The following ATP2B1 variants were observed in gnomAD, a reference collection of about 807,000 sequenced individuals.
ATP2B1 encodes the protein plasma membrane calcium-transporting ATPase 1.
In ATP2B1, 14 loss-of-function variants were observed where a neutral mutation model predicts 124.2. The ratio of observed to expected loss-of-function variants is 0.11; its 90% CI spans 0.07 to 0.18. ATP2B1 has a LOEUF of 0.18. Among genes scored for constraint, ATP2B1 ranks in the 10% least tolerant of loss-of-function variants. ATP2B1 has a pLI of 1.00. For synonymous variants in ATP2B1, 449 were observed against 492.4 expected, an observed-to-expected ratio of 0.91 and a Z score of 1.17; for missense variants, 763 against 1,466.1, an observed-to-expected ratio of 0.52 and a Z score of 7.83.
At chr12:89,684,464 G>A (rs571711476) in intron 1 of ATP2B1, among the ~76,000 whole-genome samples, 8 of 152,232 alleles carry the variant, frequency 5.3e-5, no homozygotes, top group African/African-American at 1.9e-4. Context: ...CTATCAGTAT[G>A]AACTCATGTT....
At chr12:89,596,035 G>T (rs1395343499) in intron 20 of ATP2B1, among the ~76,000 whole-genome samples, 1 of 152,022 alleles carries the variant, frequency 6.6e-6, no homozygotes, top group African/African-American at 2.4e-5. Flanking sequence ...AAAGATGCCT[G>T]GGTGCAGAGG....
At chr12:89,647,005 CAGG>C (rs1420239648) in intron 2 of ATP2B1, among the ~76,000 whole-genome samples, 2 of 152,082 alleles carry the variant, frequency 1.3e-5, no homozygotes, top group African/African-American at 4.8e-5. Flanking sequence ...AATACAGATG[CAGG>C]AGGAGGCTTC....
At chr12:89,613,617 T>A (rs1043136882) in intron 12 of ATP2B1, among the ~76,000 whole-genome samples, 5 of 152,218 alleles carry the variant, frequency 3.3e-5, no homozygotes, top group Admixed American at 1.3e-4. Flanking sequence ...TGAGATAAAA[T>A]CTATCTTAAA....
chr12:89,617,250 C>T (rs1879119274), intron 11 of ATP2B1, among the ~76,000 whole-genome samples: 1 of 152,180 alleles, frequency 6.6e-6, no homozygotes, highest in South Asian at 2.1e-4. Context: ...GACAGTTCTC[C>T]ATTTATCAAT....
At chr12:89,670,028 C>T (rs1340784207) in intron 1 of ATP2B1, among the ~76,000 whole-genome samples, 1 of 152,094 alleles carries the variant, frequency 6.6e-6, no homozygotes, top group African/African-American at 2.4e-5. Context: ...TTTCTTCTCA[C>T]AATTAAAATC....
intron 1 of ATP2B1, among the ~76,000 whole-genome samples, chr12:89,666,705 T>C (rs990545721): frequency 2.0e-5 from 3 of 152,228 alleles, no homozygotes; most frequent in Non-Finnish European, 1.5e-5. Context: ...ACTGAGTTCT[T>C]AGTTCCATCA....
In ATP2B1 at chr12:89,708,624, A is replaced by AG. The variant is rs1892819783; in HGVS notation, c.-251dup. 6.6e-6 allele frequency: 1 copy of AG among 150,742 alleles called. No individual in the cohort carries two copies. The highest frequency in any genetic ancestry group is 1.5e-5 in the Non-Finnish European group (1 of 67,594). The allele number at this position is 150,742 out of a possible 1,614,324, so 9.3% of individuals were successfully genotyped here. A position where few individuals can be genotyped will look rare whatever the true frequency, so the allele number is the denominator to read the frequency against. The stretch of plus-strand genomic sequence containing the variant: ...GCCCGGCAGTGGGAACCATTTTCCG[A>AG]GGGGGAAGGAAAGGCAGGCTGCGGG... On this transcript the variant is annotated 5_prime_UTR_variant, in exon 1 of 21. Transcript: ENST00000428670.
chr12:89,660,644 A>C (rs1211491626), intron 1 of ATP2B1, among the ~76,000 whole-genome samples: 1 of 152,214 alleles, frequency 6.6e-6, no homozygotes, highest in African/African-American at 2.4e-5. Flanking sequence ...CTCATCTGTA[A>C]AATAAAGATA....
intron 1 of ATP2B1, among the ~76,000 whole-genome samples, chr12:89,706,621 CAA>C (rs1259597546): frequency 6.6e-6 from 1 of 152,046 alleles, no homozygotes; most frequent in African/African-American, 2.4e-5. Context: ...AAATTTCTCT[CAA>C]AAGAGAAATG....
intron 1 of ATP2B1, among the ~76,000 whole-genome samples, chr12:89,691,710 A>AAG (rs1396794671): frequency 2.0e-5 from 3 of 152,180 alleles, no homozygotes; most frequent in Non-Finnish European, 4.4e-5. Flanking sequence ...AGATAAACTT[A>AAG]AGAGCCATAT....
chr12:89,607,390 C>G (rs1310658863), intron 15 of ATP2B1, among the ~76,000 whole-genome samples: 3 of 152,130 alleles, frequency 2.0e-5, no homozygotes, highest in Admixed American at 6.5e-5. Context: ...AAAACCCTTC[C>G]CAGTCTCTAC....
At chr12:89,681,965 A>G (rs1051812925) in intron 1 of ATP2B1, among the ~76,000 whole-genome samples, 3 of 152,176 alleles carry the variant, frequency 2.0e-5, no homozygotes, top group Non-Finnish European at 4.4e-5. Context: ...AGGAAAAATG[A>G]TCTCTACAGA....
rs1876273104 is a variant in ATP2B1 at position 89,603,502 on chromosome 12, A to C, written c.2848+210T>G. 1.6e-6 allele frequency: 1 copy of C among 638,210 alleles called. No individual in the cohort carries two copies. Among genetic ancestry groups the C allele is most frequent in the African/African-American group, 1.8e-5 (1 of 54,576 alleles). 39.5% of individuals were successfully genotyped at this position (638,210 alleles called of 1,614,324 possible). A position where few individuals can be genotyped will look rare whatever the true frequency, so the allele number is the denominator to read the frequency against. On this transcript the variant is annotated intron_variant, in intron 17 of 20. Coordinates refer to ENST00000428670, the MANE Select transcript of ATP2B1 (RefSeq NM_001366521.1). The surrounding 1 kb of genome is among the most constrained non-coding windows in gnomAD (Gnocchi z 4.3). The stretch of plus-strand genomic sequence containing the variant: ...TAGTGGAGAGCCAGGGTAAGACATC[A>C]GGACTGTTTATTCTCCTGTTTATTC...
intron 15 of ATP2B1, 71 bp downstream of exon 15, chr12:89,609,863 TCAA>T: frequency 7.4e-7 from 1 of 1,344,394 alleles, no homozygotes; most frequent in Non-Finnish European, 1.1e-6. Flanking sequence ...AGTAATTTAG[TCAA>T]CAAACAAACA....
chr12:89,608,782 T>C (rs2135985686), intron 15 of ATP2B1, among the ~76,000 whole-genome samples: 1 of 152,310 alleles, frequency 6.6e-6, no homozygotes, highest in South Asian at 2.1e-4. Context: ...TGAGTGATCC[T>C]ATGTTCCTAA....
rs373053808 is a variant in ATP2B1 at position 89,631,488 on chromosome 12, T to C, written c.788-843A>G. 2.0e-5 allele frequency among the ~76,000 whole-genome samples: 3 copies of C among 152,268 alleles called. No individual in the cohort carries two copies. The South Asian group carries it at 6.2e-4, about 32-fold the overall frequency. ...TTCCAGCACGCCTTTGTAACTGCAA[T>C]AGCCCCCTACCTAGTCTCTGTGTCT... is the stretch of plus-strand genomic sequence containing the variant. On this transcript the variant is annotated intron_variant, in intron 5 of 20. Transcript: ENST00000428670.
At chr12:89,610,774 A>G (rs1877860892) in intron 13 of ATP2B1, 1 of 410,054 alleles carries the variant, frequency 2.4e-6, no homozygotes. Context: ...CTGTTTTTAT[A>G]TATCATTATG....
In ATP2B1 at chr12:89,604,093, G is replaced by C. The variant is rs1032936224; in HGVS notation, c.2634+62C>G. On this transcript the variant is annotated intron_variant, in intron 16 of 20. Coordinates refer to ENST00000428670, the MANE Select transcript of ATP2B1 (RefSeq NM_001366521.1). ...CTTAAATATTAAGTATTTTTTAAGA[G>C]GCATTTAATATACTTTTTAAATTTA... 3.4e-6 allele frequency: 5 copies of C among 1,490,582 alleles called. No individual in the cohort carries two copies. The African/African-American group carries it at 4.3e-5, about 13-fold the overall frequency. The allele number at this position is 1,490,582 out of a possible 1,614,324, so 92.3% of individuals were successfully genotyped here. A position where few individuals can be genotyped will look rare whatever the true frequency, so the allele number is the denominator to read the frequency against.
chr12:89,679,686 T>C (rs2136620910), intron 1 of ATP2B1, among the ~76,000 whole-genome samples: 1 of 152,020 alleles, frequency 6.6e-6, no homozygotes, highest in Non-Finnish European at 1.5e-5. Context: ...GGGTACATCG[T>C]AGGAGAGGGG....
Sources: gnomAD v4.1 joint callset for allele counts (sites outside exome capture counted in the v4.1 genomes callset) on GRCh38, gnomAD v4.1.1 for gene constraint, Gnocchi (gnomAD v3.1) non-coding constraint, MANE v1.5 for transcripts, NCBI Gene and HGNC (gene_info 2026-07-23, HGNC 2026-07-21) for gene names.